ARHGEF2: variants seen among roughly 807,000 people sequenced by gnomAD.
ARHGEF2 encodes rho guanine nucleotide exchange factor 2.
ARHGEF2 carries 22 observed loss-of-function variants against 121.0 expected under a neutral mutation model. The ratio of observed to expected loss-of-function variants is 0.18; its 90% CI spans 0.13 to 0.26. The LOEUF (loss-of-function observed/expected upper bound fraction) is 0.26. ARHGEF2 is among the 10% of genes least tolerant of loss of function. The pLI is 1.00. For synonymous variants in ARHGEF2, 487 were observed against 530.0 expected (o/e 0.92, Z 1.11); for missense variants, 907 against 1,336.0 (o/e 0.68, Z 5.01).
chr1:155,962,657 C>A lies in ARHGEF2; in HGVS notation c.1037G>T (p.Ser346Ile). ...KTYSEFCSRH[S>I]KALKLYKELY... Reference sequence around the variant, plus strand: ...CTCCTTATAGAGCTTTAAGGCCTTGCTGTGGCGGCTGCAGAACTCCGAGTA... The same window carrying A: ...CTCCTTATAGAGCTTTAAGGCCTTGATGTGGCGGCTGCAGAACTCCGAGTA... Residue 346 changes from serine to isoleucine, a missense_variant, in exon 9 of 22, where the codon AGC becomes ATC. Around this residue, in one of 2 missense-constraint regions of ARHGEF2, gnomAD observed 475 missense variants for 776.5 expected, o/e 0.61. Coordinates refer to ENST00000361247, the MANE Select transcript of ARHGEF2 (RefSeq NM_001162383.2). This position sits in a 1 kb window ranked among gnomAD's most constrained non-coding sequence, Gnocchi z 5.8. 6.2e-7 allele frequency: 1 copy of A among 1,614,146 alleles called. No homozygotes were observed. Among genetic ancestry groups the A allele is most frequent in the Non-Finnish European group, 8.5e-7 (1 of 1,180,024 alleles).
At position 155,947,428 on chromosome 1, in the gene ARHGEF2, G is replaced by A. The variant is rs778566576; in HGVS notation, c.*514C>T. The A allele has an allele frequency of 6.6e-6, 3 of 456,684 alleles. No individual in the cohort carries two copies. Among genetic ancestry groups the A allele is most frequent in the South Asian group, 1.5e-5 (1 of 64,568 alleles). 28.3% of individuals were successfully genotyped at this position (456,684 alleles called of 1,614,324 possible). On this transcript the variant is annotated 3_prime_UTR_variant, in exon 22 of 22. Transcript: ENST00000361247. ...CAGCAGTAAGAGGTTGAGGGGAGAG[G>A]AGAAAGGGACATGGCCCTGCCCACA...
At chr1:155,954,282 CTTT>C (rs544870775) in intron 14 of ARHGEF2, among the ~76,000 whole-genome samples, 3 of 108,500 alleles carry the variant, frequency 2.8e-5, no homozygotes. Context: ...CAATCTACTT[CTTT>C]TTTTTTTTTT....
intron 1 of ARHGEF2, chr1:155,970,481 A>C: frequency 1.0e-6 from 1 of 985,512 alleles, no homozygotes; most frequent in South Asian, 4.7e-5. Flanking sequence ...GCAGGACTAG[A>C]AGCTGAGAAG....
At chr1:155,949,638 G>A (rs1232372309) in intron 21 of ARHGEF2, among the ~76,000 whole-genome samples, 6 of 151,544 alleles carry the variant, frequency 4.0e-5, no homozygotes, top group Non-Finnish European at 1.5e-5. Flanking sequence ...CGACACTCTG[G>A]GAGGCCAAGA....
At chr1:155,960,780 G>A (rs1485544316) in intron 11 of ARHGEF2, among the ~76,000 whole-genome samples, 8 of 152,158 alleles carry the variant, frequency 5.3e-5, no homozygotes, top group Admixed American at 5.2e-4. Context: ...GTTTCCTATT[G>A]TCCCTCACAT....
At chr1:155,973,419 G>C (rs142865327) in intron 1 of ARHGEF2, among the ~76,000 whole-genome samples, 1 of 152,212 alleles carries the variant, frequency 6.6e-6, no homozygotes, top group South Asian at 2.1e-4. Context: ...TCCTTCCACT[G>C]TCATCCCAGA....
intron 1 of ARHGEF2, chr1:155,972,279 T>C: frequency 2.1e-6 from 1 of 466,140 alleles, no homozygotes; most frequent in Non-Finnish European, 4.4e-6. Flanking sequence ...ACCCCTGCTC[T>C]AGGTGGGCCA....
Position 155,949,264 on chromosome 1 carries a change from TAAATAAAATA to T in ARHGEF2, c.2887+1025_2887+1034del, listed in dbSNP as rs558077837. ...TGAGACTCCATCTTAAATAAATAAA[TAAATAAAATA>T]AAATAAAATAAAATAAAATAAAATA... is the stretch of plus-strand genomic sequence containing the variant. On this transcript the variant is annotated intron_variant, in intron 21 of 21. Transcript: ENST00000361247. 7.3e-3 allele frequency among the ~76,000 whole-genome samples: 1,066 copies of T among 145,932 alleles called. 19 individuals are homozygous for T. Among genetic ancestry groups the T allele is most frequent in the African/African-American group, 0.024 (930 of 39,402 alleles).
chr1:155,966,273 C>A, intron 4 of ARHGEF2, 143 bp downstream of exon 4: 1 of 789,242 alleles, frequency 1.3e-6, no homozygotes, highest in Non-Finnish European at 2.1e-6. Context: ...CGAACCCTCC[C>A]TTAGGCCCCC....
At chr1:155,971,913 A>G (rs1680551103) in intron 1 of ARHGEF2, among the ~76,000 whole-genome samples, 2 of 151,482 alleles carry the variant, frequency 1.3e-5, no homozygotes, top group Non-Finnish European at 1.5e-5. Context: ...ATATATATAT[A>G]TACACACATA....
rs900703945 is a variant in ARHGEF2 at position 155,947,110 on chromosome 1, G to A, written c.*832C>T. The A allele has an allele frequency of 2.6e-5, 9 of 343,746 alleles. No homozygotes were observed. Among genetic ancestry groups the A allele is most frequent in the East Asian group, 7.8e-5 (1 of 12,900 alleles). 21.3% of individuals were successfully genotyped at this position (343,746 alleles called of 1,614,324 possible). ...GGAAGAGGTCAGTATAGGTCCCCCC[G>A]TTACTGCAGATGAAGGCAGAAGTCA... On this transcript the variant is annotated 3_prime_UTR_variant, in exon 22 of 22. Coordinates refer to ENST00000361247, the MANE Select transcript of ARHGEF2 (RefSeq NM_001162383.2).
In ARHGEF2 at chr1:155,961,919, G is replaced by T. The variant is rs1274877336; in HGVS notation, c.1220-10C>A. 1.2e-6 allele frequency: 2 copies of T among 1,613,502 alleles called. No homozygotes were observed. Among genetic ancestry groups the T allele is most frequent in the Admixed American group, 1.7e-5 (1 of 60,026 alleles). ...CGCTCCTCCTCGATCCCTGGCACCGGGGGTTGGCATGGGGAACGGCTCAAC... is the reference window on the plus strand; with the variant it reads ...CGCTCCTCCTCGATCCCTGGCACCGTGGGTTGGCATGGGGAACGGCTCAAC... On this transcript the variant is annotated splice_polypyrimidine_tract_variant and intron_variant, in intron 10 of 21. Transcript: ENST00000361247. This position sits in a 1 kb window ranked among gnomAD's most constrained non-coding sequence, Gnocchi z 4.7.
chr1:155,951,925 G>C lies in ARHGEF2; in HGVS notation c.2166C>G (p.Ser722Arg), dbSNP rs781221842. The change falls in exon 17 of 22, where the codon AGC becomes AGG. Residue 722 changes from serine to arginine, a missense_variant. By Grantham distance (110) the Ser-to-Arg change is moderately radical. Around this residue, in one of 2 missense-constraint regions of ARHGEF2, gnomAD observed 432 missense variants for 559.5 expected, o/e 0.77. Transcript: ENST00000361247. The surrounding 1 kb of genome is among the most constrained non-coding windows in gnomAD (Gnocchi z 5.1). ...GAACCTCTTGAGGACCTACCCTCTG[G>C]CTAGAGTCTGAGTCAGCTCTGCAGA... ...IELCRADSDS[S>R]QRDRNGNQLR... 1 of 1,614,008 alleles carries C rather than the reference G, an allele frequency of 6.2e-7. No homozygotes were observed. The highest frequency in any genetic ancestry group is 1.1e-5 in the South Asian group (1 of 91,078).
rs1446223818 is a variant in ARHGEF2, at chr1:155,950,654, C to T, written c.2704-172G>A. Among the ~76,000 whole-genome samples the T allele has an allele frequency of 6.6e-6, 1 of 152,196 alleles. No individual in the cohort carries two copies. The highest frequency in any genetic ancestry group is 1.5e-5 in the Non-Finnish European group (1 of 68,030). ...CAGCACCACGACCCGAGTTAATTTC[C>T]TCCACCCCTGCACCCATCTACATTT... On this transcript the variant is annotated intron_variant, in intron 20 of 21. Coordinates refer to ENST00000361247, the MANE Select transcript of ARHGEF2 (RefSeq NM_001162383.2). The surrounding 1 kb of genome is among the most constrained non-coding windows in gnomAD (Gnocchi z 5.2).
intron 2 of ARHGEF2, 150 bp from the exon 3 acceptor site, chr1:155,967,037 C>T (rs1558038943): frequency 1.5e-6 from 1 of 675,296 alleles, no homozygotes; most frequent in Non-Finnish European, 2.7e-6. Context: ...ACACCCCAGT[C>T]CCTCTCCTCC....
At chr1:155,973,291 T>A (rs926137235) in intron 1 of ARHGEF2, among the ~76,000 whole-genome samples, 1 of 152,168 alleles carries the variant, frequency 6.6e-6, no homozygotes, top group East Asian at 1.9e-4. Context: ...GAACCTTCTG[T>A]CTCTTCTTGT....
In ARHGEF2 at chr1:155,950,380, G is replaced by T; in HGVS notation, c.2806C>A (p.Arg936=). The change falls in exon 21 of 22, where the codon CGG becomes AGG. Residue 936 remains arginine (R), a synonymous_variant. Coordinates refer to ENST00000361247, the MANE Select transcript of ARHGEF2 (RefSeq NM_001162383.2). The surrounding 1 kb of genome is among the most constrained non-coding windows in gnomAD (Gnocchi z 5.2). ...ERQELGSPEE[R]LQDSSDPDTG... is the part of the protein sequence containing the mutation. The stretch of plus-strand genomic sequence containing the variant: ...TCAGGGTCACTGCTGTCTTGCAGCC[G>T]CTCTTCGGGGCTCCCCAGTTCCTGC... 6.2e-7 allele frequency: 1 copy of T among 1,613,912 alleles called. No individual in the cohort carries two copies. Among genetic ancestry groups the T allele is most frequent in the Non-Finnish European group, 8.5e-7 (1 of 1,180,020 alleles).
chr1:155,967,095 T>G (rs1367053973), intron 2 of ARHGEF2, among the ~76,000 whole-genome samples: 1 of 151,776 alleles, frequency 6.6e-6, no homozygotes, highest in East Asian at 2.0e-4. Flanking sequence ...GGGGTATAGG[T>G]GCTGAATGAA....
At chr1:155,967,883 C>T (rs1679731124) in intron 2 of ARHGEF2, among the ~76,000 whole-genome samples, 1 of 152,140 alleles carries the variant, frequency 6.6e-6, no homozygotes, top group African/African-American at 2.4e-5. Context: ...ATACCCAGCA[C>T]CACGCTCACT....
Sources: allele counts gnomAD v4.1 joint callset (sites outside exome capture counted in the v4.1 genomes callset), GRCh38; gene constraint gnomAD v4.1.1; regional missense constraint gnomAD v4.1.1; non-coding constraint Gnocchi (gnomAD v3.1); transcripts MANE v1.5; gene names NCBI Gene and HGNC (gene_info 2026-07-23, HGNC 2026-07-21).